The following ENTPD5 variants were observed in gnomAD, a reference collection of about 807,000 sequenced individuals.
ENTPD5 encodes ectonucleoside triphosphate diphosphohydrolase 5 (inactive).
In ENTPD5, 49 loss-of-function variants were observed where a neutral mutation model predicts 60.2. The ratio of observed to expected loss-of-function variants is 0.81; its 90% CI spans 0.65 to 1.03. The LOEUF (loss-of-function observed/expected upper bound fraction) is 1.03, where lower values mean the gene tolerates loss of function less well. ENTPD5 is among the 50% of genes least tolerant of loss of function. The pLI, the probability that ENTPD5 is intolerant of heterozygous loss-of-function variation, is 0.00. For missense variants in ENTPD5, 480 were observed against 507.6 expected, an observed-to-expected ratio of 0.95 and a Z score of 0.52; for synonymous variants, 187 against 185.4, an observed-to-expected ratio of 1.01 and a Z score of -0.07.
At chr14:73,995,585 A>AAATAATAATAATAACAAT (rs2058313982) in intron 3 of ENTPD5, among the ~76,000 whole-genome samples, 1 of 144,212 alleles carries the variant, frequency 6.9e-6, no homozygotes, top group African/African-American at 2.6e-5. Context: ...ACTCTATCTC[A>AAATAATAATAATAACAAT]AATAATAATA....
At position 73,977,310 on chromosome 14, in the gene ENTPD5, C is replaced by T; in HGVS notation, c.506G>A (p.Gly169Glu). The change falls in exon 7 of 16, where the codon GGA becomes GAA. Residue 169 changes from glycine to glutamate, a missense_variant. Gly to Glu is a moderately conservative substitution (Grantham distance 98). Coordinates refer to ENST00000334696, the MANE Select transcript of ENTPD5 (RefSeq NM_001249.5). Reference sequence around the variant, plus strand: ...AACACCTCTCCCACCTTCGTCGGATCCATCCATGATGCTAACACTGCCCTT... The same window carrying T: ...AACACCTCTCCCACCTTCGTCGGATTCATCCATGATGCTAACACTGCCCTT... ...VPKGSVSIMD[G>E]SDEGILAWVT... The T allele has an allele frequency of 6.2e-7, 1 of 1,611,944 alleles. No individual in the cohort carries two copies. Among genetic ancestry groups the T allele is most frequent in the Non-Finnish European group, 8.5e-7 (1 of 1,178,914 alleles).
intron 3 of ENTPD5, chr14:74,007,842 T>C (rs563921780): frequency 2.7e-5 from 4 of 148,300 alleles, no homozygotes; most frequent in Non-Finnish European, 4.5e-5. Flanking sequence ...ATTTTTTTTT[T>C]TTTTTTGAGA....
In ENTPD5 at chr14:74,011,690, T is replaced by C. The variant is rs534222344; in HGVS notation, c.-130-540A>G. 2.0e-3 allele frequency among the ~76,000 whole-genome samples: 300 copies of C among 152,118 alleles called. 1 individual carries two copies. The highest frequency in any genetic ancestry group is 3.7e-3 in the Non-Finnish European group (249 of 67,954). ...GCATGTGCCTGTAGTCCCAGCTACT[T>C]GGGAGGCTGAGACAGGAGGATTGCT... On this transcript the variant is annotated intron_variant, in intron 2 of 15. Transcript: ENST00000334696.
downstream of ENTPD5, chr14:73,958,906 A>G: frequency 6.2e-7 from 1 of 1,600,894 alleles, no homozygotes; most frequent in Non-Finnish European, 8.5e-7. Flanking sequence ...TAGGGAGCAG[A>G]GAAAAACTTC....
chr14:73,985,232 T>C (rs2057851335), intron 5 of ENTPD5, among the ~76,000 whole-genome samples: 1 of 152,226 alleles, frequency 6.6e-6, no homozygotes, highest in South Asian at 2.1e-4. Context: ...AGCAGCATGA[T>C]TTATAATCCT....
chr14:74,000,787 AC>A (rs1424471658), intron 3 of ENTPD5, among the ~76,000 whole-genome samples: 2 of 152,080 alleles, frequency 1.3e-5, no homozygotes, highest in East Asian at 1.9e-4. Flanking sequence ...CAAAACAACA[AC>A]AAAAAAAATG....
downstream of ENTPD5, chr14:73,961,986 C>T (rs1292916773): frequency 2.0e-6 from 3 of 1,516,746 alleles, no homozygotes; most frequent in African/African-American, 2.7e-5. Context: ...TTGGTCTTAT[C>T]GCCCAGGATG....
At chr14:73,990,081 A>T (rs2058072381) in intron 3 of ENTPD5, among the ~76,000 whole-genome samples, 1 of 151,958 alleles carries the variant, frequency 6.6e-6, no homozygotes, top group African/African-American at 2.4e-5. Flanking sequence ...GGTACTTGGG[A>T]GGCTGAGGTA....
intron 3 of ENTPD5, among the ~76,000 whole-genome samples, chr14:73,999,749 G>C (rs553897673): frequency 6.6e-6 from 1 of 151,700 alleles, no homozygotes; most frequent in African/African-American, 2.4e-5. Flanking sequence ...CCAAGATCAA[G>C]CCACTGCACT....
intron 6 of ENTPD5, 50 bp from the exon 7 acceptor site, chr14:73,977,424 T>TA: frequency 7.7e-7 from 1 of 1,305,552 alleles, no homozygotes; most frequent in Non-Finnish European, 1.1e-6. Flanking sequence ...GGCAATAAAA[T>TA]AGATTTCCAT....
intron 1 of ENTPD5, among the ~76,000 whole-genome samples, chr14:74,016,990 G>A (rs1251729148): frequency 1.3e-5 from 2 of 152,160 alleles, no homozygotes; most frequent in South Asian, 2.1e-4. Flanking sequence ...ATGGACTCAC[G>A]GGAGTGTGAA....
chr14:73,968,806 T>C (rs967394390), intron 15 of ENTPD5, among the ~76,000 whole-genome samples: 6 of 152,184 alleles, frequency 3.9e-5, no homozygotes, highest in Non-Finnish European at 5.9e-5. Flanking sequence ...AGTTGATTGT[T>C]CTGTGTTGAC....
chr14:73,988,217 G>T (rs1436956879), intron 3 of ENTPD5, 45 bp from the exon 4 acceptor site: 39 of 1,449,536 alleles, frequency 2.7e-5, no homozygotes, highest in Non-Finnish European at 3.4e-5. Flanking sequence ...AGCTTTTTTA[G>T]TTACACCTGT....
In ENTPD5 at chr14:73,983,180, G is replaced by A. The variant is rs1427796360; in HGVS notation, c.298-19C>T. 18 of 1,598,926 alleles carry A rather than the reference G, an allele frequency of 1.1e-5. No homozygotes were observed. The highest frequency in any genetic ancestry group is 2.2e-5 in the East Asian group (1 of 44,648). On this transcript the variant is annotated intron_variant, in intron 5 of 15. Transcript: ENST00000334696. ...CAGCACCCTTCAAAAGAGATAACCC[G>A]TTCATCTGATGAACGATCCATTTAG... is the stretch of plus-strand genomic sequence containing the variant.
chr14:73,977,479 C>G, intron 6 of ENTPD5, 105 bp from the exon 7 acceptor site: 2 of 857,028 alleles, frequency 2.3e-6, no homozygotes, highest in Non-Finnish European at 3.5e-6. Context: ...CTCCATTTTT[C>G]CTAGATAAAA....
At chr14:74,003,536 G>C (rs1201254448) in intron 3 of ENTPD5, 3 of 849,658 alleles carry the variant, frequency 3.5e-6, no homozygotes, top group East Asian at 2.9e-5. Context: ...CCAGATGCTG[G>C]GGATGCTGGT....
chr14:73,974,264 C>T (rs989901407), intron 11 of ENTPD5, among the ~76,000 whole-genome samples: 1 of 152,108 alleles, frequency 6.6e-6, no homozygotes, highest in Non-Finnish European at 1.5e-5. Flanking sequence ...AGATCCAAAA[C>T]CTTCAATACA....
chr14:73,959,099 C>CTGGG, downstream of ENTPD5: 1 of 1,614,146 alleles, frequency 6.2e-7, no homozygotes, highest in South Asian at 1.1e-5. Context: ...GAGCTGCCAT[C>CTGGG]TGGGGACTTT....
chr14:73,973,971 A>C lies in ENTPD5; in HGVS notation c.792T>G (p.Asp264Glu). The C allele has an allele frequency of 6.2e-7, 1 of 1,614,032 alleles. No individual in the cohort carries two copies. The highest frequency in any genetic ancestry group is 8.5e-7 in the Non-Finnish European group (1 of 1,179,902). Residue 264 changes from aspartate (D) to glutamate (E), a missense_variant, in exon 12 of 16, where the codon GAT becomes GAG. Transcript: ENST00000334696. ...TLGALETEGT[D>E]GHTFRSACLP... The stretch of plus-strand genomic sequence containing the variant: ...AACAGGCACTCCGGAAAGTGTGCCC[A>C]TCAGTCCCTGAAAGAATCCAGGGCA...
Sources: allele counts gnomAD v4.1 joint callset (sites outside exome capture counted in the v4.1 genomes callset), GRCh38; gene constraint gnomAD v4.1.1; transcripts MANE v1.5; gene names NCBI Gene and HGNC (gene_info 2026-07-23, HGNC 2026-07-21).